Variants in ATP10B observed in about 807,000 individuals in gnomAD.
ATP10B encodes phospholipid-transporting ATPase VB.
ATP10B carries 122 observed loss-of-function variants against 141.2 expected under a neutral mutation model. The observed-to-expected ratio is 0.86, with a 90% CI of 0.75 to 1.00. The LOEUF (loss-of-function observed/expected upper bound fraction) is 1.00. ATP10B is among the 50% of genes least tolerant of loss of function. The probability of loss-of-function intolerance (pLI) is 0.00; values close to 1 mark genes in which losing one functional copy is unlikely to be tolerated. For synonymous variants in ATP10B, 685 were observed against 692.0 expected (o/e 0.99, Z 0.16); for missense variants, 1,876 against 1,825.3 (o/e 1.03, Z -0.51).
intron 3 of ATP10B, among the ~76,000 whole-genome samples, chr5:160,689,716 C>A (rs528620997): frequency 6.6e-6 from 1 of 151,162 alleles, no homozygotes; most frequent in Admixed American, 6.6e-5. Flanking sequence ...ACTGGTCACA[C>A]AAATGGAAAA....
chr5:160,832,144 A>G (rs953655739), intron 1 of ATP10B, among the ~76,000 whole-genome samples: 1 of 152,156 alleles, frequency 6.6e-6, no homozygotes, highest in Non-Finnish European at 1.5e-5. Context: ...GAGCAGTATG[A>G]GATCACATTG....
At chr5:160,730,026 T>C (rs1766626975) in intron 2 of ATP10B, among the ~76,000 whole-genome samples, 1 of 152,164 alleles carries the variant, frequency 6.6e-6, no homozygotes, top group African/African-American at 2.4e-5. Flanking sequence ...ACAGCAATAA[T>C]ATAAAAGCCC....
rs1758510690 is a variant in ATP10B at position 160,624,478 on chromosome 5, G to C, written c.1621-1893C>G. 3.3e-5 allele frequency among the ~76,000 whole-genome samples: 5 copies of C among 152,176 alleles called. No homozygotes were observed. In the South Asian group the frequency reaches 1.0e-3, roughly 32 times the overall value. On this transcript the variant is annotated intron_variant, in intron 13 of 25. Coordinates refer to ENST00000327245, the MANE Select transcript of ATP10B (RefSeq NM_025153.3). ...CAGAAAAAAAGTCTACTTACCAGAA[G>C]CAAGAGGGCTAATAAAACTGAATCA...
At chr5:160,670,772 A>C in intron 6 of ATP10B, 105 bp from the exon 7 acceptor site, 7 of 1,009,774 alleles carry the variant, frequency 6.9e-6, no homozygotes, top group Non-Finnish European at 1.0e-5. Flanking sequence ...CCACCAAGTC[A>C]GCCTGTCATG....
intron 21 of ATP10B, among the ~76,000 whole-genome samples, chr5:160,601,618 C>T (rs77693643): frequency 0.016 from 2,372 of 152,286 alleles, 28 homozygotes; most frequent in Middle Eastern, 0.075. Flanking sequence ...TTTTAGAATA[C>T]ACAACTTATT....
rs1181947832 is a variant in ATP10B, at chr5:160,652,870, ATATATAATATATATATAAT to A, written c.676-3633_676-3615del. Among the ~76,000 whole-genome samples the A allele has an allele frequency of 2.0e-3, 192 of 96,850 alleles. 2 individuals are homozygous for A. The highest frequency in any genetic ancestry group is 2.6e-3 in the Non-Finnish European group (142 of 53,676). 63.5% of individuals were successfully genotyped at this position (96,850 alleles called of 152,430 possible). A position where few individuals can be genotyped will look rare whatever the true frequency, so the allele number is the denominator to read the frequency against. On this transcript the variant is annotated intron_variant, in intron 7 of 25. Coordinates refer to ENST00000327245, the MANE Select transcript of ATP10B (RefSeq NM_025153.3). ...AAAAAGATTATAAATTATATATAAT[ATATATAATATATATATAAT>A]TATATAATATATTATATATACATGT... is the stretch of plus-strand genomic sequence containing the variant.
Position 160,591,123 on chromosome 5 carries a change from G to C in ATP10B, c.3581C>G (p.Thr1194Ser). Residue 1194 changes from threonine (T) to serine (S), a missense_variant, in exon 23 of 26, where the codon ACT (threonine) becomes AGT (serine). Thr to Ser is a moderately conservative substitution (Grantham distance 58). Coordinates refer to ENST00000327245, the MANE Select transcript of ATP10B (RefSeq NM_025153.3). Reference protein sequence around the residue: ...GQNSECYNLSTFWISMVDAFY... With the variant: ...GQNSECYNLSSFWISMVDAFY... Reference sequence around the variant, plus strand: ...TGCATCCACCATAGAAATCCAGAAAGTCGACAGGTTATAGCACTGCCAGGA... The same window carrying C: ...TGCATCCACCATAGAAATCCAGAAACTCGACAGGTTATAGCACTGCCAGGA... 1.2e-6 allele frequency: 2 copies of C among 1,613,984 alleles called. No individual in the cohort carries two copies. Among genetic ancestry groups the C allele is most frequent in the Non-Finnish European group, 1.7e-6 (2 of 1,179,894 alleles).
At chr5:160,607,858 A>G (rs1757483586) in intron 18 of ATP10B, among the ~76,000 whole-genome samples, 1 of 152,160 alleles carries the variant, frequency 6.6e-6, no homozygotes, top group African/African-American at 2.4e-5. Flanking sequence ...TTTGATTCAA[A>G]TTTATTCTTG....
At chr5:160,754,395 G>A (rs1768368919) in intron 2 of ATP10B, among the ~76,000 whole-genome samples, 1 of 152,054 alleles carries the variant, frequency 6.6e-6, no homozygotes, top group Non-Finnish European at 1.5e-5. Flanking sequence ...AAGAGACACT[G>A]AAAAGTCAAA....
chr5:160,768,172 A>G (rs1769617878), intron 2 of ATP10B, among the ~76,000 whole-genome samples: 1 of 152,148 alleles, frequency 6.6e-6, no homozygotes, highest in Admixed American at 6.6e-5. Flanking sequence ...ATCATCATGA[A>G]TTTTAAAGCA....
At chr5:160,784,832 AT>A (rs933109620) in intron 2 of ATP10B, among the ~76,000 whole-genome samples, 1 of 152,054 alleles carries the variant, frequency 6.6e-6, no homozygotes, top group Non-Finnish European at 1.5e-5. Flanking sequence ...CTTATAGTAG[AT>A]ACTATTGATT....
intron 24 of ATP10B, among the ~76,000 whole-genome samples, chr5:160,583,571 C>A (rs375325955): frequency 2.6e-5 from 4 of 152,196 alleles, no homozygotes; most frequent in Non-Finnish European, 4.4e-5. Context: ...AGAGCTCGAG[C>A]GCTGTGCTTC....
intron 3 of ATP10B, among the ~76,000 whole-genome samples, chr5:160,698,272 TC>T (rs1298790391): frequency 6.7e-6 from 1 of 149,006 alleles, no homozygotes; most frequent in Non-Finnish European, 1.5e-5. Flanking sequence ...GACCTCTCTT[TC>T]ATTTACTACA....
chr5:160,634,049 A>G (rs1216248867), intron 12 of ATP10B: 2 of 444,264 alleles, frequency 4.5e-6, no homozygotes, highest in African/African-American at 4.0e-5. Context: ...AAATGTCTCC[A>G]ATCCATTGCT....
chr5:160,743,937 C>T (rs1767642828), intron 2 of ATP10B, among the ~76,000 whole-genome samples: 1 of 152,084 alleles, frequency 6.6e-6, no homozygotes. Context: ...ATACCCAGGG[C>T]AAGCTCCCAC....
chr5:160,892,503 TA>T, the ATP10B span, among the ~76,000 whole-genome samples: 1 of 152,220 alleles, frequency 6.6e-6, no homozygotes, highest in Admixed American at 6.5e-5. Flanking sequence ...TGTTTTCCTT[TA>T]AAAAGTGATT....
chr5:160,814,875 C>T (rs1773481078), intron 1 of ATP10B, among the ~76,000 whole-genome samples: 1 of 152,124 alleles, frequency 6.6e-6, no homozygotes, highest in Non-Finnish European at 1.5e-5. Context: ...ATTTCATATC[C>T]AGCCAAACTA....
chr5:160,591,273 G>A lies in ATP10B; in HGVS notation c.3565-134C>T, dbSNP rs1361925945. 2.6e-5 allele frequency: 17 copies of A among 641,866 alleles called. No homozygotes were observed. In the South Asian group the frequency reaches 3.7e-4, roughly 14 times the overall value. 39.8% of individuals were successfully genotyped at this position (641,866 alleles called of 1,614,324 possible). On this transcript the variant is annotated intron_variant, in intron 22 of 25. Transcript: ENST00000327245. Reference sequence around the variant, plus strand: ...CCTCTTGTATTTGTGGTAGTAGAATGGAGTAATTAGGAGTGTAGACTTGGG... The same window carrying A: ...CCTCTTGTATTTGTGGTAGTAGAATAGAGTAATTAGGAGTGTAGACTTGGG...
At chr5:160,567,462 C>A (rs931475499) in intron 25 of ATP10B, among the ~76,000 whole-genome samples, 1 of 152,114 alleles carries the variant, frequency 6.6e-6, no homozygotes, top group Non-Finnish European at 1.5e-5. Context: ...CAGCAAAAAT[C>A]TTGTCTCTTG....
Sources: allele counts gnomAD v4.1 joint callset (sites outside exome capture counted in the v4.1 genomes callset), GRCh38; gene constraint gnomAD v4.1.1; transcripts MANE v1.5; gene names NCBI Gene and HGNC (gene_info 2026-07-23, HGNC 2026-07-21).